PALM2AKAP2: variants seen among roughly 807,000 people sequenced by gnomAD.
The protein encoded by PALM2AKAP2 is PALM2 and AKAP2 fusion, also known as PALM2-AKAP2 fusion protein.
A neutral mutation model predicts 71.5 loss-of-function variants in PALM2AKAP2; 37 were observed. The ratio of observed to expected loss-of-function variants is 0.52; its 90% CI spans 0.40 to 0.68. The LOEUF (loss-of-function observed/expected upper bound fraction) is 0.68, where lower values mean the gene tolerates loss of function less well. PALM2AKAP2 is among the 30% of genes least tolerant of loss of function. The pLI is 0.00. For missense variants in PALM2AKAP2, 1,224 were observed against 1,191.8 expected (o/e 1.03, Z -0.40); for synonymous variants, 468 against 478.8 (o/e 0.98, Z 0.29).
At chr9:109,741,174 T>C (rs923346918) in intron 1 of PALM2AKAP2, among the ~76,000 whole-genome samples, 1 of 152,192 alleles carries the variant, frequency 6.6e-6, no homozygotes, top group African/African-American at 2.4e-5. Context: ...GTAACCAGTG[T>C]TCTGATTTCT....
chr9:109,893,047 C>T (rs1830120847), intron 3 of PALM2AKAP2, among the ~76,000 whole-genome samples: 1 of 152,130 alleles, frequency 6.6e-6, no homozygotes. Context: ...GAACTCGGGC[C>T]CGGTAAGCAT....
chr9:109,751,437 T>C (rs1397494979), intron 1 of PALM2AKAP2, among the ~76,000 whole-genome samples: 1 of 152,146 alleles, frequency 6.6e-6, no homozygotes, highest in African/African-American at 2.4e-5. Flanking sequence ...AATGTTTCTT[T>C]TGTTTGCTTT....
intron 1 of PALM2AKAP2, among the ~76,000 whole-genome samples, chr9:109,731,418 G>T (rs1024143638): frequency 6.6e-6 from 1 of 152,112 alleles, no homozygotes; most frequent in Non-Finnish European, 1.5e-5. Flanking sequence ...ATGAAGAAAA[G>T]TAAACTGAAG....
intron 3 of PALM2AKAP2, among the ~76,000 whole-genome samples, chr9:110,162,703 A>G (rs1836632171): frequency 6.6e-6 from 1 of 152,122 alleles, no homozygotes; most frequent in Admixed American, 6.6e-5. Context: ...TGATTTCTCC[A>G]AAAGCCTCCT....
chr9:110,152,436 A>G (rs1427966034), intron 2 of PALM2AKAP2, among the ~76,000 whole-genome samples: 2 of 152,098 alleles, frequency 1.3e-5, no homozygotes, highest in Non-Finnish European at 1.5e-5. Context: ...TCTGGGTGAG[A>G]TGCACACTGG....
intron 1 of PALM2AKAP2, among the ~76,000 whole-genome samples, chr9:109,740,773 C>T (rs995214617): frequency 2.0e-5 from 3 of 151,548 alleles, no homozygotes; most frequent in Admixed American, 2.0e-4. Context: ...CCTGCCTCAG[C>T]CTCCTGAGTA....
At chr9:109,863,476 G>C (rs1297063557) in intron 1 of PALM2AKAP2, among the ~76,000 whole-genome samples, 1 of 152,148 alleles carries the variant, frequency 6.6e-6, no homozygotes, top group African/African-American at 2.4e-5. Flanking sequence ...TTGAGTTTGG[G>C]GGAGTGACTA....
chr9:109,719,511 C>T (rs967158110), intron 1 of PALM2AKAP2, among the ~76,000 whole-genome samples: 1 of 152,186 alleles, frequency 6.6e-6, no homozygotes, highest in African/African-American at 2.4e-5. Flanking sequence ...TCCCTAAACA[C>T]TCAGGAGTTT....
chr9:109,900,937 G>T (rs527284190), intron 3 of PALM2AKAP2, among the ~76,000 whole-genome samples: 5 of 152,290 alleles, frequency 3.3e-5, no homozygotes, highest in African/African-American at 9.6e-5. Flanking sequence ...AAAGTAAAAG[G>T]TAAATCAAAT....
rs544820968 is a variant in PALM2AKAP2, at chr9:109,678,806, T to C, written c.5+37940T>C. Among the ~76,000 whole-genome samples, 8 of 152,258 alleles carry C rather than the reference T, an allele frequency of 5.3e-5. No individual in the cohort carries two copies. In the South Asian group the frequency reaches 1.0e-3, roughly 20 times the overall value. ...CTCCTGATGGTTTGGGCTTGATAAG[T>C]GTAATGGATGATAAGTCATAGGTGG... On this transcript the variant is annotated intron_variant, in intron 1 of 6. Coordinates refer to the PALM2AKAP2 transcript ENST00000374531.
At chr9:109,955,640 C>T (rs186795232) in intron 6 of PALM2AKAP2, among the ~76,000 whole-genome samples, 123 of 141,352 alleles carry the variant, frequency 8.7e-4, no homozygotes, top group Non-Finnish European at 5.4e-4. Context: ...TCTGTATTGT[C>T]CACTTTTTTT....
At chr9:109,922,651 A>G (rs1314630813) in intron 3 of PALM2AKAP2, among the ~76,000 whole-genome samples, 1 of 152,126 alleles carries the variant, frequency 6.6e-6, no homozygotes, top group Non-Finnish European at 1.5e-5. Flanking sequence ...TTAGCAAGAG[A>G]ACATTTATCC....
At chr9:109,954,079 T>C (rs1160426198) in intron 6 of PALM2AKAP2, among the ~76,000 whole-genome samples, 2 of 152,272 alleles carry the variant, frequency 1.3e-5, no homozygotes, top group African/African-American at 4.8e-5. Context: ...TTTGTTTTCT[T>C]ATCTGTTCAT....
At chr9:110,044,444 A>T (rs1393889575), upstream of PALM2AKAP2, among the ~76,000 whole-genome samples, 1 of 134,608 alleles carries the variant, frequency 7.4e-6, no homozygotes, top group Non-Finnish European at 1.5e-5. Context: ...TTCTGCCTCC[A>T]GGGTTCAAGT....
At chr9:109,965,821 T>C (rs1831936612) in intron 6 of PALM2AKAP2, among the ~76,000 whole-genome samples, 1 of 152,154 alleles carries the variant, frequency 6.6e-6, no homozygotes, top group Non-Finnish European at 1.5e-5. Context: ...AAAAGAGATA[T>C]TAAGATGTTT....
At chr9:109,865,394 C>T (rs1300178405) in intron 1 of PALM2AKAP2, among the ~76,000 whole-genome samples, 1 of 152,080 alleles carries the variant, frequency 6.6e-6, no homozygotes, top group Non-Finnish European at 1.5e-5. Context: ...CCACTGTGTG[C>T]CCGGCCCTAA....
At chr9:109,819,915 C>G (rs899444147) in intron 1 of PALM2AKAP2, among the ~76,000 whole-genome samples, 2 of 151,942 alleles carry the variant, frequency 1.3e-5, no homozygotes, top group Admixed American at 6.6e-5. Flanking sequence ...AAACAAGGAC[C>G]AGAAGGTGTT....
At chr9:109,951,637 G>A (rs1831644472) in intron 6 of PALM2AKAP2, among the ~76,000 whole-genome samples, 1 of 152,198 alleles carries the variant, frequency 6.6e-6, no homozygotes, top group Admixed American at 6.5e-5. Flanking sequence ...GGGGGTACCT[G>A]TTAACAGTGT....
intron 6 of PALM2AKAP2, among the ~76,000 whole-genome samples, chr9:109,954,143 A>T (rs1395849912): frequency 6.6e-6 from 1 of 152,152 alleles, no homozygotes; most frequent in African/African-American, 2.4e-5. Flanking sequence ...CATAAAAAGG[A>T]TTAACAAAAT....
Sources: allele counts gnomAD v4.1 joint callset (sites outside exome capture counted in the v4.1 genomes callset), GRCh38; gene constraint gnomAD v4.1.1; transcripts MANE v1.5; gene names NCBI Gene and HGNC (gene_info 2026-07-23, HGNC 2026-07-21).